CD86: variants seen among roughly 807,000 people sequenced by gnomAD.
The protein encoded by CD86 is CD86 molecule.
A neutral mutation model predicts 32.1 loss-of-function variants in CD86; 11 were observed. The observed-to-expected ratio is 0.34, with a 90% confidence interval of 0.22 to 0.57. The LOEUF (loss-of-function observed/expected upper bound fraction) is 0.57. Ranked by LOEUF, CD86 falls within the 20% of genes least tolerant of loss-of-function variation. The pLI is 0.86. For synonymous variants in CD86, 137 were observed against 135.3 expected (o/e 1.01, Z -0.09); for missense variants, 359 against 398.4 (o/e 0.90, Z 0.84).
chr3:122,074,733 C>G (rs2072533943), intron 1 of CD86, among the ~76,000 whole-genome samples: 2 of 152,124 alleles, frequency 1.3e-5, no homozygotes, highest in South Asian at 4.1e-4. Context: ...ACTTCCACAC[C>G]CACACACACC....
chr3:122,118,792 A>G (rs2107553506), intron 6 of CD86, among the ~76,000 whole-genome samples: 1 of 152,382 alleles, frequency 6.6e-6, no homozygotes, highest in East Asian at 1.9e-4. Context: ...TGCCTGGCAT[A>G]TAGCAGGTTC....
intron 1 of CD86, among the ~76,000 whole-genome samples, chr3:122,086,768 A>G (rs912979843): frequency 2.6e-5 from 4 of 152,168 alleles, no homozygotes; most frequent in Admixed American, 2.6e-4. Flanking sequence ...TCTCTCTGAG[A>G]GTCCTCTCGA....
chr3:122,117,716 A>G (rs947022929), intron 5 of CD86, among the ~76,000 whole-genome samples: 1 of 152,196 alleles, frequency 6.6e-6, no homozygotes, highest in Non-Finnish European at 1.5e-5. Flanking sequence ...AGGATTAGAA[A>G]CTCTTCCAAT....
chr3:122,106,325 G>T lies in CD86; in HGVS notation c.528G>T (p.Lys176Asn), dbSNP rs2073091048. 6.2e-7 allele frequency: 1 copy of T among 1,614,092 alleles called. No homozygotes were observed. Among genetic ancestry groups the T allele is most frequent in the Non-Finnish European group, 8.5e-7 (1 of 1,179,980 alleles). Residue 176 changes from lysine to asparagine, a missense_variant, in exon 4 of 7, where the codon AAG becomes AAT. Lys to Asn is a moderately conservative substitution (Grantham distance 94). Coordinates refer to ENST00000330540, the MANE Select transcript of CD86 (RefSeq NM_175862.5). ...PKKMSVLLRT[K>N]NSTIEYDGVM... Reference sequence around the variant, plus strand: ...AGATGAGTGTTTTGCTAAGAACCAAGAATTCAACTATCGAGTATGATGGTG... The same window carrying T: ...AGATGAGTGTTTTGCTAAGAACCAATAATTCAACTATCGAGTATGATGGTG...
At chr3:122,117,758 C>T (rs1465586808) in intron 5 of CD86, among the ~76,000 whole-genome samples, 10 of 152,208 alleles carry the variant, frequency 6.6e-5, no homozygotes, top group Admixed American at 6.5e-4. Context: ...AAATATATTA[C>T]CCCTCCCAAT....
intron 2 of CD86, 29 bp from the exon 3 acceptor site, chr3:122,103,483 C>T: frequency 4.0e-6 from 6 of 1,490,576 alleles, no homozygotes; most frequent in Non-Finnish European, 4.6e-6. Flanking sequence ...CTTGTTTCTC[C>T]CTCCCTAATC....
chr3:122,083,791 G>A (rs986496385), intron 1 of CD86, among the ~76,000 whole-genome samples: 2 of 152,122 alleles, frequency 1.3e-5, no homozygotes, highest in African/African-American at 2.4e-5. Context: ...GATTATTGAA[G>A]ATTTGGTGCC....
At chr3:122,061,589 T>C (rs2072336257) in intron 1 of CD86, among the ~76,000 whole-genome samples, 1 of 152,128 alleles carries the variant, frequency 6.6e-6, no homozygotes, top group Non-Finnish European at 1.5e-5. Flanking sequence ...ATACAGATGG[T>C]GAACAACCAT....
intron 1 of CD86, among the ~76,000 whole-genome samples, chr3:122,089,171 A>T (rs1375287354): frequency 6.6e-6 from 1 of 152,192 alleles, no homozygotes; most frequent in Non-Finnish European, 1.5e-5. Flanking sequence ...AGCTGAGAGG[A>T]GGAGAGAAAG....
chr3:122,112,368 G>A (rs1028795375), intron 5 of CD86, among the ~76,000 whole-genome samples: 3 of 151,824 alleles, frequency 2.0e-5, no homozygotes, highest in Non-Finnish European at 4.4e-5. Flanking sequence ...CCAGGCTGGA[G>A]TGCAGTGGCA....
chr3:122,116,384 A>G (rs1346186084), intron 5 of CD86, among the ~76,000 whole-genome samples: 1 of 152,194 alleles, frequency 6.6e-6, no homozygotes, highest in African/African-American at 2.4e-5. Flanking sequence ...CGATGAGCAC[A>G]GTCACAACAT....
intron 1 of CD86, among the ~76,000 whole-genome samples, chr3:122,061,963 A>G (rs981093623): frequency 2.6e-5 from 4 of 152,192 alleles, no homozygotes; most frequent in Admixed American, 6.5e-5. Flanking sequence ...GTGAATCGTA[A>G]CACAAACTGT....
chr3:122,106,305 A>G lies in CD86; in HGVS notation c.508A>G (p.Ser170Gly). The part of the protein sequence containing the change: ...IHGYPEPKKM[S>G]VLLRTKNSTI... ...CGGTTACCCAGAACCTAAGAAGATGAGTGTTTTGCTAAGAACCAAGAATTC... is the reference window on the plus strand; with the variant it reads ...CGGTTACCCAGAACCTAAGAAGATGGGTGTTTTGCTAAGAACCAAGAATTC... Residue 170 changes from serine (S) to glycine (G), a missense_variant, in exon 4 of 7, where the codon AGT becomes GGT. Transcript: ENST00000330540. 3.1e-6 allele frequency: 5 copies of G among 1,614,022 alleles called. No homozygotes were observed. The highest frequency in any genetic ancestry group is 4.2e-6 in the Non-Finnish European group (5 of 1,179,884).
intron 2 of CD86, 162 bp downstream of exon 2, chr3:122,091,812 G>C: frequency 1.5e-6 from 1 of 648,082 alleles, no homozygotes; most frequent in Admixed American, 2.3e-5. Flanking sequence ...AGAAGGAAGT[G>C]TTATGATTGA....
chr3:122,072,684 T>C (rs944561179), intron 1 of CD86, among the ~76,000 whole-genome samples: 9 of 152,210 alleles, frequency 5.9e-5, no homozygotes, highest in South Asian at 4.1e-4. Context: ...GTAGGTTGCC[T>C]GTTCACTCTG....
intron 2 of CD86, among the ~76,000 whole-genome samples, chr3:122,098,609 T>C (rs1342806481): frequency 6.6e-6 from 1 of 152,194 alleles, no homozygotes; most frequent in Non-Finnish European, 1.5e-5. Flanking sequence ...AGGAGGATTA[T>C]GTGATTGGAG....
At chr3:122,109,505 G>A in intron 5 of CD86, 97 bp downstream of exon 5, 2 of 1,390,014 alleles carry the variant, frequency 1.4e-6, no homozygotes, top group South Asian at 1.2e-5. Context: ...GCCTAGACTG[G>A]CAAAAAGTCA....
At chr3:122,112,557 C>T (rs778860022) in intron 5 of CD86, among the ~76,000 whole-genome samples, 6 of 152,050 alleles carry the variant, frequency 3.9e-5, no homozygotes, top group Non-Finnish European at 5.9e-5. Flanking sequence ...CCTCGTGATC[C>T]GTTTTTAACC....
chr3:122,071,052 C>A (rs1422546508), intron 1 of CD86, among the ~76,000 whole-genome samples: 1 of 152,148 alleles, frequency 6.6e-6, no homozygotes, highest in Non-Finnish European at 1.5e-5. Context: ...TTGTGGAACA[C>A]AATTTCCCCT....
Sources: gnomAD v4.1 joint callset for allele counts (sites outside exome capture counted in the v4.1 genomes callset) on GRCh38, gnomAD v4.1.1 for gene constraint, MANE v1.5 for transcripts, NCBI Gene and HGNC (gene_info 2026-07-23, HGNC 2026-07-21) for gene names.